CSMD2: variants seen among roughly 807,000 people sequenced by gnomAD.
CSMD2 encodes the protein CUB and Sushi multiple domains 2, also known as CUB and sushi domain-containing protein 2.
CSMD2 carries 130 observed loss-of-function variants against 398.5 expected under a neutral mutation model. The observed-to-expected ratio is 0.33, with a 90% CI of 0.28 to 0.38. The LOEUF (loss-of-function observed/expected upper bound fraction) is 0.38. CSMD2 is among the 10% of genes least tolerant of loss of function. CSMD2 has a pLI of 1.00. For synonymous variants in CSMD2, 1,828 were observed against 1,908.5 expected (o/e 0.96, Z 1.10); for missense variants, 3,829 against 4,764.9 (o/e 0.80, Z 5.78).
chr1:33,571,638 C>A lies in CSMD2; in HGVS notation c.7851G>T (p.Gln2617His). Residue 2617 changes from glutamine to histidine, a missense_variant, in exon 51 of 71, where the codon CAG becomes CAT. Transcript: ENST00000373381. ...AGCCAGGGTCACAGATGAGCATCAGCTGGGCCTGGAACTGATACTGTGTCT... is the reference window on the plus strand; with the variant it reads ...AGCCAGGGTCACAGATGAGCATCAGATGGGCCTGGAACTGATACTGTGTCT... ...IFETQYQFQA[Q>H]LMLICDPGYY... 1 of 1,591,136 alleles carries A rather than the reference C, an allele frequency of 6.3e-7. No individual in the cohort carries two copies. The highest frequency in any genetic ancestry group is 8.6e-7 in the Non-Finnish European group (1 of 1,165,512).
Position 34,015,121 on chromosome 1 carries a change from T to C in CSMD2, c.517+17473A>G, listed in dbSNP as rs528626281. On this transcript the variant is annotated intron_variant, in intron 3 of 70. Transcript: ENST00000373381. ...ACGGACACAGAAGCTTTAGGAGAAG[T>C]GTCCCATGACCATACTAGCTGGAGC... Among the ~76,000 whole-genome samples, 6 of 152,344 alleles carry C rather than the reference T, an allele frequency of 3.9e-5. No homozygotes were observed. In the East Asian group the frequency reaches 1.2e-3, roughly 29 times the overall value.
intron 12 of CSMD2, among the ~76,000 whole-genome samples, chr1:33,783,530 T>C (rs932037889): frequency 9.9e-5 from 15 of 151,698 alleles, no homozygotes; most frequent in Non-Finnish European, 1.9e-4. Context: ...AGAAGGTAGC[T>C]GTCTACAAGC....
chr1:33,606,202 C>T (rs1353892740), intron 41 of CSMD2, among the ~76,000 whole-genome samples: 1 of 152,114 alleles, frequency 6.6e-6, no homozygotes, highest in Non-Finnish European at 1.5e-5. Context: ...TGAATTGGGT[C>T]CACAGGACAC....
chr1:33,667,018 T>C (rs1489960888), intron 25 of CSMD2, among the ~76,000 whole-genome samples: 2 of 152,126 alleles, frequency 1.3e-5, no homozygotes, highest in Non-Finnish European at 2.9e-5. Context: ...GAGGTGAAGC[T>C]GTCCGGGAAG....
intron 1 of CSMD2, among the ~76,000 whole-genome samples, chr1:34,151,799 T>C (rs780769860): frequency 1.3e-4 from 19 of 142,404 alleles, no homozygotes; most frequent in Non-Finnish European, 2.5e-4. Context: ...CTTGCTTCCT[T>C]CCTCCCTCCC....
At chr1:33,761,886 G>T (rs1649858659) in intron 13 of CSMD2, among the ~76,000 whole-genome samples, 1 of 152,194 alleles carries the variant, frequency 6.6e-6, no homozygotes, top group South Asian at 2.1e-4. Context: ...CAAGACCATG[G>T]GGGAGTCTGA....
chr1:34,068,803 G>C (rs1655399179), intron 2 of CSMD2, among the ~76,000 whole-genome samples: 11 of 152,276 alleles, frequency 7.2e-5, no homozygotes, highest in Admixed American at 7.2e-4. Flanking sequence ...TCATAATAGT[G>C]AATGAGTCTT....
intron 39 of CSMD2, among the ~76,000 whole-genome samples, chr1:33,616,534 G>A (rs537319769): frequency 4.6e-5 from 7 of 152,256 alleles, no homozygotes; most frequent in South Asian, 2.1e-4. Context: ...CACTGCACCC[G>A]GCCAACCTCA....
At chr1:33,725,658 T>C in intron 16 of CSMD2, 122 bp from the exon 17 acceptor site, 1 of 810,462 alleles carries the variant, frequency 1.2e-6, no homozygotes, top group East Asian at 2.6e-5. Context: ...TGGGATCTTT[T>C]AATATAATTT....
chr1:33,864,709 C>T (rs1464150272), intron 5 of CSMD2: 3 of 1,613,148 alleles, frequency 1.9e-6, no homozygotes, highest in East Asian at 4.5e-5. Context: ...TACCGAATGT[C>T]AGCTAGAAAC....
rs752177838 is a variant in CSMD2 at position 33,810,746 on chromosome 1, G to A, written c.1443C>T (p.Ser481=). The A allele has an allele frequency of 1.2e-6, 2 of 1,612,962 alleles. No individual in the cohort carries two copies. The highest frequency in any genetic ancestry group is 1.1e-5 in the South Asian group (1 of 91,042). The change falls in exon 10 of 71, where the codon TCC becomes TCT. Residue 481 remains serine (S), a synonymous_variant. Transcript: ENST00000373381. ...CCCCGCTCCCCAAGAGGCTTACCTT[G>A]GAGGGGTTGAGTGCTGTGATGATCC... The part of the protein sequence containing the change: ...CVWIITALNP[S]KVIKLAFEEF...
At chr1:33,789,959 T>G (rs1331150559) in intron 11 of CSMD2, among the ~76,000 whole-genome samples, 2 of 152,230 alleles carry the variant, frequency 1.3e-5, no homozygotes, top group African/African-American at 4.8e-5. Context: ...TGAGCCTCTC[T>G]GGGCTTTTTC....
intron 6 of CSMD2, among the ~76,000 whole-genome samples, chr1:33,846,513 T>C (rs1661370570): frequency 6.6e-6 from 1 of 152,174 alleles, no homozygotes; most frequent in Non-Finnish European, 1.5e-5. Context: ...TTAGCTTCCT[T>C]GTCCATAAAG....
At chr1:34,073,953 G>T (rs891392725) in intron 2 of CSMD2, among the ~76,000 whole-genome samples, 1 of 152,226 alleles carries the variant, frequency 6.6e-6, no homozygotes, top group Non-Finnish European at 1.5e-5. Context: ...GGCAAAGGGG[G>T]AATAAGCACA....
intron 21 of CSMD2, among the ~76,000 whole-genome samples, chr1:33,713,817 A>G (rs1196078254): frequency 6.6e-6 from 1 of 152,126 alleles, no homozygotes; most frequent in Non-Finnish European, 1.5e-5. Context: ...ACGTCAACTC[A>G]TCAGAGAGGC....
chr1:33,758,280 G>T (rs1649324571), intron 13 of CSMD2, among the ~76,000 whole-genome samples: 1 of 152,144 alleles, frequency 6.6e-6, no homozygotes, highest in African/African-American at 2.4e-5. Flanking sequence ...CTTCCTAGCT[G>T]CAGTGATAGA....
chr1:34,159,336 C>CT lies in CSMD2; in HGVS notation c.187+5574_187+5575insA, dbSNP rs1465513726. Reference sequence around the variant, plus strand: ...GAATGACTTTACAGCCTGCCCCCCCCCCACCCAGGAGCTTGTGGTGGAAAG... The same window carrying CT: ...GAATGACTTTACAGCCTGCCCCCCCCTCCACCCAGGAGCTTGTGGTGGAAAG... On this transcript the variant is annotated intron_variant, in intron 1 of 70. Coordinates refer to ENST00000373381, the MANE Select transcript of CSMD2 (RefSeq NM_001281956.2). Among the ~76,000 whole-genome samples the CT allele has an allele frequency of 6.4e-3, 579 of 89,780 alleles. 7 individuals carry two copies. In the South Asian group the frequency reaches 0.066, roughly 10 times the overall value. The allele number at this position is 89,780 out of a possible 152,430, so 58.9% of individuals were successfully genotyped here. A position where few individuals can be genotyped will look rare whatever the true frequency, so the allele number is the denominator to read the frequency against.
intron 14 of CSMD2, among the ~76,000 whole-genome samples, chr1:33,742,460 C>G (rs1647101638): frequency 6.6e-6 from 1 of 152,142 alleles, no homozygotes; most frequent in Non-Finnish European, 1.5e-5. Context: ...GGACCCACCT[C>G]CAGCCTCACT....
At chr1:33,886,138 A>C (rs754033353) in intron 5 of CSMD2, among the ~76,000 whole-genome samples, 3 of 152,218 alleles carry the variant, frequency 2.0e-5, no homozygotes, top group Non-Finnish European at 4.4e-5. Context: ...AACTTAGGAG[A>C]GACAGATAGC....
Sources: gnomAD v4.1 joint callset for allele counts (sites outside exome capture counted in the v4.1 genomes callset) on GRCh38, gnomAD v4.1.1 for gene constraint, MANE v1.5 for transcripts, NCBI Gene and HGNC (gene_info 2026-07-23, HGNC 2026-07-21) for gene names.